Variants in CLEC18A observed in about 807,000 individuals in gnomAD.
CLEC18A encodes C-type lectin domain family 18 member A, also known as mannose receptor-like 1.
Under a neutral mutation model 24.0 loss-of-function variants are expected in CLEC18A, and 5 were observed. That is an observed-to-expected ratio of 0.21 (90% CI 0.11 to 0.44). The LOEUF is 0.44. Ranked by LOEUF, CLEC18A falls within the 20% of genes least tolerant of loss-of-function variation. CLEC18A has a pLI of 0.99. For missense variants in CLEC18A, 83 were observed against 233.4 expected (o/e 0.36, Z 4.20); for synonymous variants, 29 against 100.1 (o/e 0.29, Z 4.24).
rs370325241 is a variant in CLEC18A, at chr16:69,963,050, G to A, written c.1286G>A (p.Arg429His). 186 of 1,613,578 alleles carry A rather than the reference G, an allele frequency of 1.2e-4. No homozygotes were observed. The African/African-American group carries it at 2.3e-3, about 20-fold the overall frequency. ...GACCAGCGCTGCAAAACCCGAAACC[G>A]TTACATCTGCCAGTTTGGTGAGGGA... ...WNDQRCKTRN[R>H]YICQFAQEHI... The change falls in exon 11 of 12, where the codon CGT becomes CAT. Residue 429 changes from arginine (R) to histidine (H), a missense_variant. This residue lies in a region of CLEC18A where 11 missense variants were observed against 57.6 expected (regional missense o/e 0.19). Transcript: ENST00000288040.
Position 69,954,587 on chromosome 16 carries a change from A to G in CLEC18A, c.456+14A>G. On this transcript the variant is annotated intron_variant, in intron 3 of 11. Transcript: ENST00000288040. ...CACTACACGCAGGTGAGTGTGCTGC[A>G]GGTGAGGCCAGTGTGCCAGCTCCCA... 2.5e-6 allele frequency: 4 copies of G among 1,609,012 alleles called. No individual in the cohort carries two copies. Among genetic ancestry groups the G allele is most frequent in the Non-Finnish European group, 3.4e-6 (4 of 1,177,492 alleles).
intron 3 of CLEC18A, among the ~76,000 whole-genome samples, chr16:69,955,691 C>A (rs998563289): frequency 7.1e-6 from 1 of 141,244 alleles, no homozygotes; most frequent in Admixed American, 7.0e-5. Flanking sequence ...TTACCCACTA[C>A]CTAGGTTTAG....
At chr16:69,955,154 C>G (rs1194541656) in intron 3 of CLEC18A, among the ~76,000 whole-genome samples, 2 of 151,626 alleles carry the variant, frequency 1.3e-5, no homozygotes, top group African/African-American at 4.9e-5. Flanking sequence ...GTGTGCGCCA[C>G]TACACCCAGC....
chr16:69,944,550 A>AC, the CLEC18A span, among the ~76,000 whole-genome samples: 1 of 151,844 alleles, frequency 6.6e-6, no homozygotes, highest in Admixed American at 6.6e-5. Flanking sequence ...AAAAAAAAGA[A>AC]AAAGAAGGGC....
Position 69,954,379 on chromosome 16 carries a change from C to A in CLEC18A, c.262C>A (p.Leu88Ile). The change falls in exon 3 of 12, where the codon CTC becomes ATC. Residue 88 changes from leucine to isoleucine, a missense_variant. Leu to Ile is a conservative substitution (Grantham distance 5). Around this residue, in one of 3 missense-constraint regions of CLEC18A, gnomAD observed 71 missense variants for 107.4 expected, o/e 0.66. Coordinates refer to ENST00000288040, the MANE Select transcript of CLEC18A (RefSeq NM_001370523.4). The part of the protein sequence containing the change: ...LAQLAQARAA[L>I]CGTPTPSLAS... The stretch of plus-strand genomic sequence containing the variant: ...CCAGCTGGCTCAAGCCAGGGCAGCC[C>A]TCTGTGGAACCCCAACCCCGAGCCT... The A allele has an allele frequency of 6.2e-7, 1 of 1,608,978 alleles. No homozygotes were observed. Among genetic ancestry groups the A allele is most frequent in the Non-Finnish European group, 8.5e-7 (1 of 1,178,366 alleles).
the CLEC18A span, among the ~76,000 whole-genome samples, chr16:69,943,553 G>T: frequency 1.3e-5 from 2 of 152,134 alleles, no homozygotes; most frequent in East Asian, 3.8e-4. Context: ...TATAGTACTT[G>T]TCGTTTCGTG....
chr16:69,945,258 A>G, the CLEC18A span, among the ~76,000 whole-genome samples: 1 of 148,400 alleles, frequency 6.7e-6, no homozygotes, highest in Non-Finnish European at 1.5e-5. Flanking sequence ...ACTGCACTCC[A>G]GCCTGGGTGA....
chr16:69,962,894 G>A, intron 10 of CLEC18A, 82 bp from the exon 11 acceptor site: 3 of 1,379,434 alleles, frequency 2.2e-6, no homozygotes, highest in Non-Finnish European at 3.0e-6. Context: ...TGAGATGCAG[G>A]GTCCTGATGG....
downstream of CLEC18A, among the ~76,000 whole-genome samples, chr16:69,964,715 G>C (rs1959308787): frequency 6.6e-6 from 1 of 151,254 alleles, no homozygotes; most frequent in African/African-American, 2.4e-5. Flanking sequence ...GTGTTACCCA[G>C]GATGGTATCG....
the CLEC18A span, among the ~76,000 whole-genome samples, chr16:69,945,351 A>G: frequency 2.0e-5 from 3 of 151,904 alleles, no homozygotes; most frequent in African/African-American, 7.3e-5. Flanking sequence ...CTTGATCTAT[A>G]TGTCTTGTCC....
At chr16:69,944,290 A>G in the CLEC18A span, among the ~76,000 whole-genome samples, 4 of 149,514 alleles carry the variant, frequency 2.7e-5, no homozygotes, top group Non-Finnish European at 6.0e-5. Flanking sequence ...ATCCCTTGGT[A>G]TAGATACGGG....
chr16:69,965,968 A>G (rs1315542643), downstream of CLEC18A, among the ~76,000 whole-genome samples: 21 of 63,070 alleles, frequency 3.3e-4, 1 homozygote, highest in South Asian at 4.1e-3. Flanking sequence ...ATCCGGAGAA[A>G]AACACGGACC....
chr16:69,964,359 A>G (rs1035653750), downstream of CLEC18A: 1 of 150,782 alleles, frequency 6.6e-6, no homozygotes, highest in African/African-American at 2.4e-5. Flanking sequence ...CATCACCCAC[A>G]AGGGGTTATC....
At chr16:69,954,681 C>T (rs1187346955) in intron 3 of CLEC18A, 108 bp downstream of exon 3, 1 of 1,516,250 alleles carries the variant, frequency 6.6e-7, no homozygotes, top group Non-Finnish European at 8.8e-7. Flanking sequence ...ATTCCTTTTC[C>T]TCCAATTGGT....
intron 3 of CLEC18A, among the ~76,000 whole-genome samples, chr16:69,956,120 G>A (rs534046023): frequency 2.7e-5 from 4 of 150,348 alleles, no homozygotes; most frequent in South Asian, 2.1e-4. Flanking sequence ...GATGGTGTGC[G>A]CCTGTAGTTC....
chr16:69,965,424 G>A (rs1255994787), downstream of CLEC18A, among the ~76,000 whole-genome samples: 2 of 152,034 alleles, frequency 1.3e-5, no homozygotes, highest in Non-Finnish European at 2.9e-5. Context: ...CACGGCCGCA[G>A]CGCCCGGAGG....
At chr16:69,954,680 C>T (rs1238366216) in intron 3 of CLEC18A, 107 bp downstream of exon 3, 1 of 1,517,696 alleles carries the variant, frequency 6.6e-7, no homozygotes, top group Non-Finnish European at 8.8e-7. Flanking sequence ...GATTCCTTTT[C>T]CTCCAATTGG....
chr16:69,952,220 C>G, intron 2 of CLEC18A, 94 bp downstream of exon 2: 1 of 692,314 alleles, frequency 1.4e-6, no homozygotes. Flanking sequence ...TCCAGGTGCC[C>G]TTCCACTTGA....
the CLEC18A span, among the ~76,000 whole-genome samples, chr16:69,944,549 A>G: frequency 6.6e-6 from 1 of 151,790 alleles, no homozygotes; most frequent in Non-Finnish European, 1.5e-5. Context: ...TAAAAAAAAG[A>G]AAAAGAAGGG....
Sources: gnomAD v4.1 joint callset for allele counts (sites outside exome capture counted in the v4.1 genomes callset) on GRCh38, gnomAD v4.1.1 for gene constraint, gnomAD v4.1.1 regional missense constraint, MANE v1.5 for transcripts, NCBI Gene and HGNC (gene_info 2026-07-23, HGNC 2026-07-21) for gene names.